LEKR1: variants seen among roughly 807,000 people sequenced by gnomAD.
The protein encoded by LEKR1 is leucine, glutamate and lysine rich 1, also known as protein LEKR1.
Under a neutral mutation model 72.4 loss-of-function variants are expected in LEKR1, and 59 were observed. The observed-to-expected ratio is 0.82, with a 90% confidence interval of 0.66 to 1.01. The LOEUF is 1.01. Among genes scored for constraint, LEKR1 ranks in the 50% least tolerant of loss-of-function variants. The pLI, the probability that LEKR1 is intolerant of heterozygous loss-of-function variation, is 0.00. For missense variants in LEKR1, 728 were observed against 759.2 expected (o/e 0.96, Z 0.48); for synonymous variants, 257 against 263.2 (o/e 0.98, Z 0.23).
chr3:157,037,016 A>G (rs965876888), intron 12 of LEKR1, among the ~76,000 whole-genome samples: 4 of 152,188 alleles, frequency 2.6e-5, no homozygotes, highest in Non-Finnish European at 5.9e-5. Flanking sequence ...TATATACTAT[A>G]ATCATATAAA....
intron 9 of LEKR1, among the ~76,000 whole-genome samples, chr3:156,997,973 A>C (rs1364259615): frequency 8.5e-5 from 13 of 152,236 alleles, no homozygotes; most frequent in Admixed American, 8.5e-4. Context: ...GGGATTCTGC[A>C]GGTAAAGACA....
chr3:156,868,304 A>C (rs1410677206), intron 3 of LEKR1, among the ~76,000 whole-genome samples: 2 of 152,060 alleles, frequency 1.3e-5, no homozygotes, highest in African/African-American at 4.8e-5. Context: ...TATGAATCAT[A>C]ATAATTTCCT....
At chr3:156,911,555 G>C (rs759269889) in intron 3 of LEKR1, among the ~76,000 whole-genome samples, 17 of 152,058 alleles carry the variant, frequency 1.1e-4, no homozygotes, top group Admixed American at 8.5e-4. Flanking sequence ...GCTTTGAAGA[G>C]TTAGCTGTAA....
At chr3:156,952,366 A>C (rs894706722) in intron 6 of LEKR1, among the ~76,000 whole-genome samples, 1 of 151,512 alleles carries the variant, frequency 6.6e-6, no homozygotes, top group Non-Finnish European at 1.5e-5. Context: ...TAATGCTGAC[A>C]ATATAAATAC....
At chr3:156,954,394 G>C (rs772250433) in intron 6 of LEKR1, among the ~76,000 whole-genome samples, 39 of 152,012 alleles carry the variant, frequency 2.6e-4, no homozygotes, top group Non-Finnish European at 5.3e-4. Context: ...TGATTTTGTT[G>C]CTATTGCTTT....
chr3:156,923,296 A>C (rs1724384631), intron 4 of LEKR1, among the ~76,000 whole-genome samples: 1 of 152,228 alleles, frequency 6.6e-6, no homozygotes, highest in Non-Finnish European at 1.5e-5. Flanking sequence ...GACTAATTCC[A>C]GAAAAGACCC....
intron 6 of LEKR1, among the ~76,000 whole-genome samples, chr3:156,946,386 A>G (rs959367884): frequency 6.6e-6 from 1 of 151,568 alleles, no homozygotes; most frequent in Non-Finnish European, 1.5e-5. Context: ...TCATCTGCAA[A>G]CAAGGATAAT....
intron 5 of LEKR1, among the ~76,000 whole-genome samples, chr3:156,934,043 A>T (rs918799245): frequency 6.6e-6 from 1 of 152,208 alleles, no homozygotes; most frequent in Non-Finnish European, 1.5e-5. Flanking sequence ...TCTCAGTTCA[A>T]ATGTCACCTC....
intron 10 of LEKR1, among the ~76,000 whole-genome samples, chr3:157,023,317 T>C (rs1357586228): frequency 2.0e-5 from 3 of 152,226 alleles, no homozygotes; most frequent in Non-Finnish European, 4.4e-5. Flanking sequence ...AATAGATTTC[T>C]TCTCTTTCTT....
At chr3:156,856,155 A>G (rs915053177) in intron 3 of LEKR1, among the ~76,000 whole-genome samples, 1 of 152,216 alleles carries the variant, frequency 6.6e-6, no homozygotes, top group Non-Finnish European at 1.5e-5. Flanking sequence ...AATTTGAGGT[A>G]GATTTCCAAT....
chr3:156,936,634 T>G (rs1725743475), intron 5 of LEKR1, among the ~76,000 whole-genome samples: 1 of 151,946 alleles, frequency 6.6e-6, no homozygotes, highest in Non-Finnish European at 1.5e-5. Context: ...ACAAAAAGGG[T>G]TTTCACATGT....
chr3:157,000,769 T>C (rs908448232), intron 9 of LEKR1, among the ~76,000 whole-genome samples: 13 of 152,234 alleles, frequency 8.5e-5, no homozygotes, highest in Non-Finnish European at 1.8e-4. Flanking sequence ...AGTGATTCCA[T>C]TTGGATGCTG....
chr3:156,932,899 G>A (rs771439580), intron 5 of LEKR1, among the ~76,000 whole-genome samples: 25 of 151,942 alleles, frequency 1.6e-4, no homozygotes, highest in African/African-American at 2.7e-4. Context: ...GCGTGGTGGC[G>A]GGCACCTGTA....
chr3:156,920,617 AT>A lies in LEKR1; in HGVS notation c.309del (p.Gln104ArgfsTer3), dbSNP rs1724100893. On this transcript the variant is annotated frameshift_variant, in exon 4 of 13. Transcript: ENST00000356539. LOFTEE classifies it high-confidence loss of function. ...GMQLKSQQNE[F>X]QKVKKQLSHL... ...TGCAGTTAAAAAGTCAACAAAATGA[AT>A]TTCAGAAAGTAAAGAAACAACTGAG... 6.8e-7 allele frequency: 1 copy of A among 1,470,434 alleles called. No individual in the cohort carries two copies. The highest frequency in any genetic ancestry group is 1.3e-5 in the South Asian group (1 of 79,200). 91.1% of individuals were successfully genotyped at this position (1,470,434 alleles called of 1,614,324 possible). A position where few individuals can be genotyped will look rare whatever the true frequency, so the allele number is the denominator to read the frequency against.
At chr3:157,026,654 C>T (rs1328318666) in intron 11 of LEKR1, among the ~76,000 whole-genome samples, 1 of 152,132 alleles carries the variant, frequency 6.6e-6, no homozygotes, top group Admixed American at 6.5e-5. Flanking sequence ...ACATTTGAAA[C>T]AAATTTTGGA....
intron 6 of LEKR1, among the ~76,000 whole-genome samples, chr3:156,953,941 G>T (rs566083838): frequency 1.3e-5 from 2 of 151,782 alleles, no homozygotes; most frequent in South Asian, 2.1e-4. Context: ...GAGAAATCAT[G>T]ACATTGTCTT....
At chr3:156,873,463 G>C (rs918127760) in intron 3 of LEKR1, among the ~76,000 whole-genome samples, 20 of 151,852 alleles carry the variant, frequency 1.3e-4, no homozygotes, top group Admixed American at 1.0e-3. Flanking sequence ...TTGATTTCTG[G>C]TTGGTTTGTA....
chr3:156,940,895 C>T (rs1402188225), intron 5 of LEKR1, among the ~76,000 whole-genome samples: 3 of 152,092 alleles, frequency 2.0e-5, no homozygotes, highest in Non-Finnish European at 4.4e-5. Context: ...TGGTGCTGTG[C>T]AGTGTCATTT....
At chr3:156,846,732 A>G (rs1430531381) in intron 2 of LEKR1, among the ~76,000 whole-genome samples, 4 of 152,202 alleles carry the variant, frequency 2.6e-5, no homozygotes, top group African/African-American at 7.2e-5. Context: ...TCTACAAAGA[A>G]TAGTTTATTT....
Sources: gnomAD v4.1 joint callset for allele counts (sites outside exome capture counted in the v4.1 genomes callset) on GRCh38, gnomAD v4.1.1 for gene constraint, MANE v1.5 for transcripts, NCBI Gene and HGNC (gene_info 2026-07-23, HGNC 2026-07-21) for gene names.